The following GRID2 variants were observed in gnomAD, a reference collection of about 807,000 sequenced individuals.
GRID2 encodes the protein glutamate receptor ionotropic, delta-2.
GRID2 carries 33 observed loss-of-function variants against 114.8 expected under a neutral mutation model. The ratio of observed to expected loss-of-function variants is 0.29; its 90% CI spans 0.22 to 0.38. The LOEUF is 0.38. Ranked by LOEUF, GRID2 falls within the 10% of genes least tolerant of loss-of-function variation. The pLI is 1.00. For synonymous variants in GRID2, 505 were observed against 449.9 expected (o/e 1.12, Z -1.55); for missense variants, 1,184 against 1,257.7 (o/e 0.94, Z 0.89).
chr4:92,361,105 C>T (rs1728598144), intron 1 of GRID2, among the ~76,000 whole-genome samples: 1 of 151,920 alleles, frequency 6.6e-6, no homozygotes, highest in Non-Finnish European at 1.5e-5. Flanking sequence ...TTAACTCCAA[C>T]TAAAACTCCA....
At chr4:92,788,300 G>A (rs772270383) in intron 2 of GRID2, among the ~76,000 whole-genome samples, 1 of 151,808 alleles carries the variant, frequency 6.6e-6, no homozygotes, top group Non-Finnish European at 1.5e-5. Flanking sequence ...TCAGAAATGA[G>A]GAAATTATTG....
chr4:93,677,261 A>T (rs1279624721), intron 14 of GRID2, among the ~76,000 whole-genome samples: 1 of 152,220 alleles, frequency 6.6e-6, no homozygotes, highest in Non-Finnish European at 1.5e-5. Flanking sequence ...CCCTTAGGTA[A>T]ACAAAGCAGC....
intron 9 of GRID2, among the ~76,000 whole-genome samples, chr4:93,418,748 C>A (rs768894365): frequency 6.6e-6 from 1 of 151,922 alleles, no homozygotes; most frequent in Non-Finnish European, 1.5e-5. Flanking sequence ...ACATCATATT[C>A]AAAAATTATT....
chr4:93,361,791 G>A (rs1761903316), intron 8 of GRID2, among the ~76,000 whole-genome samples: 1 of 151,992 alleles, frequency 6.6e-6, no homozygotes, highest in Non-Finnish European at 1.5e-5. Flanking sequence ...TAGTATTAAT[G>A]TGTGGAAACA....
At chr4:92,675,790 G>A (rs181178130) in intron 2 of GRID2, among the ~76,000 whole-genome samples, 100 of 152,020 alleles carry the variant, frequency 6.6e-4, no homozygotes, top group Admixed American at 6.2e-3. Flanking sequence ...TCCTGAACTC[G>A]TGATCCACCC....
chr4:93,323,115 C>T (rs1757421118), intron 8 of GRID2, among the ~76,000 whole-genome samples: 1 of 152,064 alleles, frequency 6.6e-6, no homozygotes, highest in Admixed American at 6.6e-5. Context: ...TCAGGAAGTC[C>T]TTGCCCATGC....
At chr4:93,185,613 T>G (rs1179312549) in intron 4 of GRID2, among the ~76,000 whole-genome samples, 1 of 152,178 alleles carries the variant, frequency 6.6e-6, no homozygotes, top group Non-Finnish European at 1.5e-5. Context: ...TTTAAAACTG[T>G]AGATATTAAT....
chr4:93,693,830 A>C (rs1726777741), intron 14 of GRID2, among the ~76,000 whole-genome samples: 1 of 152,304 alleles, frequency 6.6e-6, no homozygotes, highest in Admixed American at 6.5e-5. Flanking sequence ...TTATGGAAAT[A>C]ATTATTTACT....
At chr4:92,309,351 A>C (rs1725579684) in intron 1 of GRID2, among the ~76,000 whole-genome samples, 1 of 152,014 alleles carries the variant, frequency 6.6e-6, no homozygotes. Context: ...TTTAAAAAGT[A>C]AGATATTCAC....
intron 1 of GRID2, among the ~76,000 whole-genome samples, chr4:93,792,533 C>T (rs960940872): frequency 7.2e-5 from 11 of 152,132 alleles, no homozygotes; most frequent in Non-Finnish European, 1.6e-4. Context: ...TTGCATTGGC[C>T]TAACTCAGTT....
chr4:93,529,713 C>T (rs1349773014), intron 13 of GRID2, among the ~76,000 whole-genome samples: 2 of 152,020 alleles, frequency 1.3e-5, no homozygotes, highest in Non-Finnish European at 2.9e-5. Flanking sequence ...CACTAAGGAA[C>T]AAAACCTTCC....
intron 1 of GRID2, 68 bp downstream of exon 1, chr4:92,304,812 T>C (rs1725290899): frequency 9.0e-7 from 1 of 1,110,510 alleles, no homozygotes; most frequent in East Asian, 2.3e-5. Flanking sequence ...TCCCCTTCGC[T>C]TTCCCCCTCT....
rs187228708 is a variant in GRID2, at chr4:93,705,064, C to T, written c.2361-64146C>T. On this transcript the variant is annotated intron_variant, in intron 14 of 15. Transcript: ENST00000282020. ...TAATGGCTTTACTAATTTACATTCC[C>T]GCTAACAGTGTACAAAGATTCCTTT... 4.7e-3 allele frequency among the ~76,000 whole-genome samples: 708 copies of T among 152,238 alleles called. 6 individuals carry two copies. The highest frequency in any genetic ancestry group is 0.016 in the African/African-American group (664 of 41,552).
intron 14 of GRID2, among the ~76,000 whole-genome samples, chr4:93,714,106 C>A (rs1389202761): frequency 1.3e-5 from 2 of 152,044 alleles, no homozygotes; most frequent in African/African-American, 2.4e-5. Flanking sequence ...CCACCCCCAA[C>A]AGGCCCCAGT....
At chr4:92,528,819 G>A (rs1316524918) in intron 1 of GRID2, among the ~76,000 whole-genome samples, 5 of 83,640 alleles carry the variant, frequency 6.0e-5, no homozygotes, top group African/African-American at 1.1e-4. Flanking sequence ...AGAACATCCT[G>A]TAAAAAAAAA....
chr4:92,506,376 A>AG, intron 1 of GRID2, among the ~76,000 whole-genome samples: 1 of 152,132 alleles, frequency 6.6e-6, no homozygotes, highest in East Asian at 1.9e-4. Context: ...GGTCATTCAA[A>AG]GTGTCATGGA....
At chr4:92,580,682 C>G (rs987127445) in intron 1 of GRID2, among the ~76,000 whole-genome samples, 6 of 151,876 alleles carry the variant, frequency 4.0e-5, no homozygotes, top group African/African-American at 1.4e-4. Context: ...TGGTTTCATA[C>G]AGATATTTCT....
At chr4:92,450,865 A>G (rs543691349) in intron 1 of GRID2, among the ~76,000 whole-genome samples, 10 of 147,812 alleles carry the variant, frequency 6.8e-5, no homozygotes, top group East Asian at 3.9e-4. Context: ...AATAAATTTA[A>G]TTTTTAAATA....
intron 2 of GRID2, among the ~76,000 whole-genome samples, chr4:92,896,579 A>G (rs922852156): frequency 1.3e-5 from 2 of 150,908 alleles, no homozygotes; most frequent in Non-Finnish European, 1.5e-5. Flanking sequence ...TATATAGTCA[A>G]TTGAAAAACT....
Sources: allele counts gnomAD v4.1 joint callset (sites outside exome capture counted in the v4.1 genomes callset), GRCh38; gene constraint gnomAD v4.1.1; transcripts MANE v1.5; gene names NCBI Gene and HGNC (gene_info 2026-07-23, HGNC 2026-07-21).